The following THADA variants were observed in gnomAD, a reference collection of about 807,000 sequenced individuals.
THADA encodes the protein tRNA (32-2'-O)-methyltransferase regulator THADA.
THADA carries 213 observed loss-of-function variants against 219.8 expected under a neutral mutation model. The observed-to-expected ratio is 0.97, with a 90% CI of 0.87 to 1.09. The LOEUF (loss-of-function observed/expected upper bound fraction) is 1.09. Ranked by LOEUF, THADA falls within the 50% of genes least tolerant of loss-of-function variation. The pLI is 0.00. For missense variants in THADA, 2,956 were observed against 2,311.3 expected (o/e 1.28, Z -5.72); for synonymous variants, 1,018 against 828.9 (o/e 1.23, Z -3.92).
At chr2:43,260,712 T>C (rs1670838369) in intron 36 of THADA, among the ~76,000 whole-genome samples, 1 of 152,246 alleles carries the variant, frequency 6.6e-6, no homozygotes, top group Non-Finnish European at 1.5e-5. Context: ...TTATTTTATA[T>C]TTCTAGTGTG....
chr2:43,553,761 T>C (rs765922056), intron 17 of THADA, among the ~76,000 whole-genome samples: 1 of 152,206 alleles, frequency 6.6e-6, no homozygotes, highest in African/African-American at 2.4e-5. Context: ...CCACTTTCTC[T>C]ACATCCTCAT....
intron 22 of THADA, among the ~76,000 whole-genome samples, chr2:43,521,243 G>C (rs994697476): frequency 8.2e-6 from 1 of 121,446 alleles, no homozygotes; most frequent in Non-Finnish European, 1.8e-5. Flanking sequence ...AAGGCAGGCA[G>C]GCAGGCAGAT....
intron 29 of THADA, among the ~76,000 whole-genome samples, chr2:43,353,694 C>T (rs1030542208): frequency 1.3e-5 from 2 of 152,064 alleles, no homozygotes; most frequent in Admixed American, 6.6e-5. Flanking sequence ...CTTGCTCTGT[C>T]GCCCATGCTG....
At chr2:43,456,175 A>C (rs1163364572) in intron 26 of THADA, among the ~76,000 whole-genome samples, 1 of 152,264 alleles carries the variant, frequency 6.6e-6, no homozygotes, top group Non-Finnish European at 1.5e-5. Context: ...ATCATTGTTA[A>C]GGCAAATACT....
intron 26 of THADA, among the ~76,000 whole-genome samples, chr2:43,459,008 A>G (rs1683329499): frequency 6.6e-6 from 1 of 152,204 alleles, no homozygotes; most frequent in Non-Finnish European, 1.5e-5. Context: ...TCTTGTCTAC[A>G]TTATTCTAAC....
intron 26 of THADA, among the ~76,000 whole-genome samples, chr2:43,466,699 C>T (rs1312714007): frequency 6.6e-6 from 1 of 152,190 alleles, no homozygotes; most frequent in Non-Finnish European, 1.5e-5. Flanking sequence ...TCCTAATCTG[C>T]AGGCACGTAT....
intron 26 of THADA, among the ~76,000 whole-genome samples, chr2:43,466,190 G>T (rs897759110): frequency 6.6e-6 from 1 of 152,158 alleles, no homozygotes; most frequent in Admixed American, 6.5e-5. Flanking sequence ...TCTATTAAAA[G>T]GATTCCATGA....
chr2:43,476,220 G>A lies in THADA; in HGVS notation c.3836+9014C>T, dbSNP rs78145245. Among the ~76,000 whole-genome samples the A allele has an allele frequency of 5.8e-3, 876 of 152,020 alleles. 3 individuals are homozygous for A. The highest frequency in any genetic ancestry group is 0.018 in the African/African-American group (757 of 41,448). ...TGTAGAGTGTGGAGGTGGGAACATG[G>A]GAACATAAACAGGAGGAAATGCTGT... On this transcript the variant is annotated intron_variant, in intron 26 of 37. Transcript: ENST00000405975.
intron 31 of THADA, among the ~76,000 whole-genome samples, chr2:43,298,730 T>A (rs1675891205): frequency 6.6e-6 from 1 of 152,132 alleles, no homozygotes; most frequent in African/African-American, 2.4e-5. Context: ...ATTTTTCTGG[T>A]CTGGGGCCTT....
chr2:43,336,953 C>G (rs7606622), intron 30 of THADA, among the ~76,000 whole-genome samples: 4,144 of 152,234 alleles, frequency 0.027, 193 homozygotes, highest in African/African-American at 0.094. Context: ...ATTGTGGCCA[C>G]GTGGGAATTT....
chr2:43,346,972 G>C (rs1341431627), intron 29 of THADA, among the ~76,000 whole-genome samples: 2 of 152,154 alleles, frequency 1.3e-5, no homozygotes, highest in Non-Finnish European at 2.9e-5. Context: ...ACTCCTTTAG[G>C]ACACATTCCC....
chr2:43,419,809 T>C (rs1350731248), intron 28 of THADA, among the ~76,000 whole-genome samples: 1 of 133,472 alleles, frequency 7.5e-6, no homozygotes, highest in Non-Finnish European at 1.6e-5. Flanking sequence ...ATGTTAAGTA[T>C]TACTAAATTT....
chr2:43,413,212 T>TTCTA (rs2104765663), intron 28 of THADA, among the ~76,000 whole-genome samples: 1 of 152,272 alleles, frequency 6.6e-6, no homozygotes, highest in East Asian at 1.9e-4. Flanking sequence ...CCTTCCTTCT[T>TTCTA]TCTATCCTAA....
In THADA at chr2:43,364,918, G is replaced by C. The variant is rs567440810; in HGVS notation, c.4228-20681C>G. 2.6e-5 allele frequency among the ~76,000 whole-genome samples: 4 copies of C among 151,846 alleles called. No individual in the cohort carries two copies. In the East Asian group the frequency reaches 7.8e-4, roughly 29 times the overall value. On this transcript the variant is annotated intron_variant, in intron 29 of 37. Coordinates refer to ENST00000405975, the MANE Select transcript of THADA (RefSeq NM_022065.5). ...GATTATTGTAATTGTGATGGTAACT[G>C]ACTAATGGGTTTTAAGTAGGGAATT...
At chr2:43,525,583 C>T (rs1234806233) in intron 22 of THADA, among the ~76,000 whole-genome samples, 1 of 152,166 alleles carries the variant, frequency 6.6e-6, no homozygotes, top group Non-Finnish European at 1.5e-5. Context: ...CTAGGCCCAG[C>T]CTTCTAGCTA....
chr2:43,381,462 T>C (rs937978146), intron 29 of THADA, among the ~76,000 whole-genome samples: 1 of 152,180 alleles, frequency 6.6e-6, no homozygotes, highest in Admixed American at 6.5e-5. Flanking sequence ...ACTTAGTGAT[T>C]TGATTCCAAA....
At chr2:43,414,394 A>C (rs573420389) in intron 28 of THADA, among the ~76,000 whole-genome samples, 1 of 152,352 alleles carries the variant, frequency 6.6e-6, no homozygotes, top group South Asian at 2.1e-4. Flanking sequence ...ACGTCTTCAC[A>C]GAGATACATG....
intron 29 of THADA, among the ~76,000 whole-genome samples, chr2:43,395,548 T>C (rs1673925998): frequency 6.6e-6 from 1 of 151,140 alleles, no homozygotes; most frequent in African/African-American, 2.5e-5. Context: ...AACTGCAGTC[T>C]GGGGCTGTGC....
At chr2:43,348,041 G>A (rs940468195) in intron 29 of THADA, among the ~76,000 whole-genome samples, 6 of 152,192 alleles carry the variant, frequency 3.9e-5, no homozygotes, top group Admixed American at 2.6e-4. Context: ...GACAAGAGGA[G>A]GGGAGGGTTG....
Sources: allele counts gnomAD v4.1 joint callset (sites outside exome capture counted in the v4.1 genomes callset), GRCh38; gene constraint gnomAD v4.1.1; transcripts MANE v1.5; gene names NCBI Gene and HGNC (gene_info 2026-07-23, HGNC 2026-07-21).